The following UBASH3A variants were observed in gnomAD, a reference collection of about 807,000 sequenced individuals.
UBASH3A encodes the protein ubiquitin associated and SH3 domain containing A.
In UBASH3A, 63 loss-of-function variants were observed where a neutral mutation model predicts 73.5. The observed-to-expected ratio is 0.86, with a 90% confidence interval of 0.70 to 1.06. The LOEUF (loss-of-function observed/expected upper bound fraction) is 1.06. UBASH3A is among the 50% of genes least tolerant of loss of function. UBASH3A has a pLI of 0.00. For synonymous variants in UBASH3A, 363 were observed against 351.1 expected (o/e 1.03, Z -0.38); for missense variants, 860 against 859.0 (o/e 1.00, Z -0.02).
chr21:42,443,350 G>A lies in UBASH3A; in HGVS notation c.1670G>A (p.Ser557Asn), dbSNP rs758254568. 6.2e-7 allele frequency: 1 copy of A among 1,613,148 alleles called. No homozygotes were observed. The highest frequency in any genetic ancestry group is 8.5e-7 in the Non-Finnish European group (1 of 1,179,570). Reference protein sequence around the residue: ...FPLSALMPAESYQEYMDRCTA... With the variant: ...FPLSALMPAENYQEYMDRCTA... ...CTGTCCGCCCTCATGCCGGCCGAGA[G>A]CTACCAGGAGTACATGGACAGGTGC... The change falls in exon 13 of 15, where the codon AGC (serine) becomes AAC (asparagine). Residue 557 changes from serine to asparagine, a missense_variant. By Grantham distance (46) the Ser-to-Asn change is conservative. Coordinates refer to ENST00000319294, the MANE Select transcript of UBASH3A (RefSeq NM_018961.4).
chr21:42,414,843 T>C (rs1396487511), intron 5 of UBASH3A, among the ~76,000 whole-genome samples: 1 of 152,190 alleles, frequency 6.6e-6, no homozygotes, highest in African/African-American at 2.4e-5. Context: ...TTGAAACCAA[T>C]CTAGTCCCCT....
intron 2 of UBASH3A, among the ~76,000 whole-genome samples, chr21:42,407,851 T>C (rs2053009527): frequency 1.3e-5 from 2 of 152,274 alleles, no homozygotes; most frequent in South Asian, 4.1e-4. Flanking sequence ...ATAATTTAGA[T>C]GTTCATCAAT....
chr21:42,442,344 C>A, intron 11 of UBASH3A, 108 bp from the exon 12 acceptor site: 2 of 1,122,644 alleles, frequency 1.8e-6, no homozygotes, highest in Non-Finnish European at 2.6e-6. Flanking sequence ...GTTTAAAAGG[C>A]ATGATTTAGA....
chr21:42,431,338 C>CCTCTT (rs1233966951), intron 8 of UBASH3A, among the ~76,000 whole-genome samples: 1 of 152,228 alleles, frequency 6.6e-6, no homozygotes, highest in Non-Finnish European at 1.5e-5. Flanking sequence ...AAAGCACAGG[C>CCTCTT]TCCCCAGAAA....
Position 42,434,836 on chromosome 21 carries a change from A to G in UBASH3A, c.1275A>G (p.Lys425=), listed in dbSNP as rs17856791. The G allele has an allele frequency of 2.5e-6, 4 of 1,612,766 alleles. No homozygotes were observed. The East Asian group carries it at 6.7e-5, about 27-fold the overall frequency. The change falls in exon 10 of 15, where the codon AAA becomes AAG. Residue 425 remains lysine, a synonymous_variant. Coordinates refer to ENST00000319294, the MANE Select transcript of UBASH3A (RefSeq NM_018961.4). ...TGATGCTTATTTATACTTCAGGGAA[A>G]TACTACAGGCCAGACCTGAATTTCC... ...WLQQCSTPDG[K]YYRPDLNFPC...
chr21:42,413,004 C>A lies in UBASH3A; in HGVS notation c.355-20C>A, dbSNP rs777845801. On this transcript the variant is annotated intron_variant, in intron 3 of 14. Transcript: ENST00000319294. The surrounding 1 kb of genome is among the most constrained non-coding windows in gnomAD (Gnocchi z 4.5). The stretch of plus-strand genomic sequence containing the variant: ...CTGATGAGAGGTGTGGAAACACAGG[C>A]TCTGTCTCTGTCCCCTTAGTGTGAA... 1 of 1,603,334 alleles carries A rather than the reference C, an allele frequency of 6.2e-7. No homozygotes were observed. Among genetic ancestry groups the A allele is most frequent in the Non-Finnish European group, 8.5e-7 (1 of 1,170,686 alleles).
chr21:42,408,573 C>T (rs908898068), intron 2 of UBASH3A, among the ~76,000 whole-genome samples: 1 of 152,158 alleles, frequency 6.6e-6, no homozygotes, highest in Non-Finnish European at 1.5e-5. Context: ...GTCCTTAAGT[C>T]CTGCTGCATC....
chr21:42,439,798 CCACACACCA>C (rs1370278305), intron 11 of UBASH3A, among the ~76,000 whole-genome samples: 1 of 138,646 alleles, frequency 7.2e-6, no homozygotes, highest in African/African-American at 2.7e-5. Context: ...CACACACACA[CCACACACCA>C]CACACACCAC....
intron 8 of UBASH3A, among the ~76,000 whole-genome samples, chr21:42,429,627 G>A (rs17114900): frequency 0.026 from 4,029 of 152,196 alleles, 195 homozygotes; most frequent in African/African-American, 0.093. Flanking sequence ...TCTCTAGGAT[G>A]TTTTAATATT....
At position 42,413,413 on chromosome 21, in the gene UBASH3A, C is replaced by T; in HGVS notation, c.557C>T (p.Thr186Ile). ...GGCTGCACCTGTCCTCACCCAGGCA[C>T]TTCCGTTTCCCGCTTCTGGATTTTC... ...FATEASLLAGTSVSRFWIFSQ... is the reference protein window; with the variant it reads ...FATEASLLAGISVSRFWIFSQ... Residue 186 changes from threonine (T) to isoleucine (I), a missense_variant, in exon 5 of 15, where the codon ACT becomes ATT. Transcript: ENST00000319294. This position sits in a 1 kb window ranked among gnomAD's most constrained non-coding sequence, Gnocchi z 4.5. 6.2e-7 allele frequency: 1 copy of T among 1,612,910 alleles called. No homozygotes were observed. Among genetic ancestry groups the T allele is most frequent in the South Asian group, 1.1e-5 (1 of 90,910 alleles).
chr21:42,418,802 A>G (rs1417280195), intron 7 of UBASH3A, among the ~76,000 whole-genome samples, 193 bp downstream of exon 7: 1 of 152,250 alleles, frequency 6.6e-6, no homozygotes, highest in Non-Finnish European at 1.5e-5. Flanking sequence ...ATAACATTCA[A>G]AAAAGAATGA....
intron 11 of UBASH3A, among the ~76,000 whole-genome samples, chr21:42,439,020 C>G (rs2053680667): frequency 6.6e-6 from 1 of 152,130 alleles, no homozygotes; most frequent in Admixed American, 6.5e-5. Context: ...TCAATGCACA[C>G]ATGTGCATTG....
intron 10 of UBASH3A, 156 bp downstream of exon 10, chr21:42,435,110 G>A (rs2053602773): frequency 1.1e-6 from 1 of 897,860 alleles, no homozygotes. Context: ...GAGAGGTTAA[G>A]CAACTTGCCC....
chr21:42,440,027 A>C (rs2053711317), intron 11 of UBASH3A, among the ~76,000 whole-genome samples: 2 of 151,102 alleles, frequency 1.3e-5, no homozygotes, highest in Non-Finnish European at 3.0e-5. Context: ...ACACCCACAC[A>C]CACACCACAC....
At chr21:42,410,807 G>GAGACACACACATAGCTCACACACAT (rs2053075156) in intron 3 of UBASH3A, among the ~76,000 whole-genome samples, 3 of 151,758 alleles carry the variant, frequency 2.0e-5, no homozygotes, top group Admixed American at 2.0e-4. Context: ...GATAGACACA[G>GAGACACACACATAGCTCACACACAT]AGACACACAC....
chr21:42,409,501 C>A lies in UBASH3A; in HGVS notation c.247C>A (p.Pro83Thr). Residue 83 changes from proline to threonine, a missense_variant, in exon 3 of 15, where the codon CCC becomes ACC. By Grantham distance (38) the Pro-to-Thr change is conservative. Transcript: ENST00000319294. ...EYALFLCPTG[P>T]LLEKLQEFWR... ...TGCCCTTTTCCTCTGTCCAACGGGG[C>A]CCCTGCTGGAAAAACTTCAAGAGTT... The A allele has an allele frequency of 6.2e-7, 1 of 1,614,100 alleles. No individual in the cohort carries two copies. The highest frequency in any genetic ancestry group is 1.3e-5 in the African/African-American group (1 of 75,032).
At position 42,447,101 on chromosome 21, in the gene UBASH3A, A is replaced by G. The variant is rs1246725924; in HGVS notation, c.1893A>G (p.Glu631=). The change falls in exon 15 of 15, where the codon GAA becomes GAG. Residue 631 remains glutamate, a synonymous_variant. Coordinates refer to ENST00000319294, the MANE Select transcript of UBASH3A (RefSeq NM_018961.4). ...GCTTCTGTGAAGAAAATAAAGAGGA[A>G]GGAAAATGGGAGTTGGTGAACCCAC... ...GMCFCEENKE[E]GKWELVNPPV... is the part of the protein sequence containing the mutation. 1.2e-6 allele frequency: 2 copies of G among 1,614,030 alleles called. No homozygotes were observed. Among genetic ancestry groups the G allele is most frequent in the East Asian group, 4.5e-5 (2 of 44,884 alleles).
Position 42,442,740 on chromosome 21 carries a change from G to T in UBASH3A, c.1631+144G>T, listed in dbSNP as rs113993812. The T allele has an allele frequency of 1.5e-4, 132 of 872,170 alleles. 2 individuals are homozygous for T. In the African/African-American group the frequency reaches 1.9e-3, roughly 13 times the overall value. The allele number at this position is 872,170 out of a possible 1,614,324, so 54.0% of individuals were successfully genotyped here. A position where few individuals can be genotyped will look rare whatever the true frequency, so the allele number is the denominator to read the frequency against. ...GTTTTGCAGCAGGGGAGAGAGGTGGGGCTCAACTCCTAATACAAGGAAAAG... is the reference window on the plus strand; with the variant it reads ...GTTTTGCAGCAGGGGAGAGAGGTGGTGCTCAACTCCTAATACAAGGAAAAG... On this transcript the variant is annotated intron_variant, in intron 12 of 14. Coordinates refer to ENST00000319294, the MANE Select transcript of UBASH3A (RefSeq NM_018961.4).
intron 11 of UBASH3A, among the ~76,000 whole-genome samples, chr21:42,438,600 A>G (rs1370870120): frequency 2.6e-5 from 4 of 152,028 alleles, no homozygotes; most frequent in Admixed American, 2.6e-4. Flanking sequence ...AGTACGGTGG[A>G]GCCAGAGGGG....
Sources: gnomAD v4.1 joint callset for allele counts (sites outside exome capture counted in the v4.1 genomes callset) on GRCh38, gnomAD v4.1.1 for gene constraint, Gnocchi (gnomAD v3.1) non-coding constraint, MANE v1.5 for transcripts, NCBI Gene and HGNC (gene_info 2026-07-23, HGNC 2026-07-21) for gene names.